The following BNIP1 variants were observed in gnomAD, a reference collection of about 807,000 sequenced individuals.
BNIP1 encodes the protein vesicle transport protein SEC20.
A neutral mutation model predicts 28.5 loss-of-function variants in BNIP1; 25 were observed. The observed-to-expected ratio is 0.88, with a 90% CI of 0.64 to 1.23. BNIP1 has a LOEUF of 1.23. Ranked by LOEUF, BNIP1 falls within the 50% of genes most tolerant of loss-of-function variation. BNIP1 has a pLI of 0.00. For missense variants in BNIP1, 276 were observed against 277.0 expected, an observed-to-expected ratio of 1.00 and a Z score of 0.02; for synonymous variants, 118 against 101.7, an observed-to-expected ratio of 1.16 and a Z score of -0.96.
chr5:173,150,939 G>A (rs955088468), intron 2 of BNIP1, among the ~76,000 whole-genome samples: 2 of 151,884 alleles, frequency 1.3e-5, no homozygotes, highest in Admixed American at 6.6e-5. Context: ...GGGTTCAAGC[G>A]ATTCTCCTGC....
intron 2 of BNIP1, among the ~76,000 whole-genome samples, chr5:173,153,742 A>G (rs1490687635): frequency 6.6e-6 from 1 of 151,816 alleles, no homozygotes; most frequent in South Asian, 2.1e-4. Flanking sequence ...TTTTTATACC[A>G]TTTTCCTGTG....
At position 173,163,829 on chromosome 5, in the gene BNIP1, CTGACGGACAAGCTTCTCATCTT is replaced by C. The variant is rs1760434105; in HGVS notation, c.596_617del (p.Leu199ProfsTer4). On this transcript the variant is annotated frameshift_variant, in exon 6 of 6. Transcript: ENST00000351486. LOFTEE classifies it high-confidence loss of function. ...TATCACAAAATACAATCGCCGGGAG[CTGACGGACAAGCTTCTCATCTT>C]CCTTGCGCTAGCCCTGTTTCTTGCT... 2 of 1,613,936 alleles carry C rather than the reference CTGACGGACAAGCTTCTCATCTT, an allele frequency of 1.2e-6. No individual in the cohort carries two copies. Among genetic ancestry groups the C allele is most frequent in the Non-Finnish European group, 1.7e-6 (2 of 1,179,982 alleles).
intron 5 of BNIP1, 74 bp from the exon 6 acceptor site, chr5:173,163,651 C>G: frequency 2.2e-6 from 3 of 1,391,246 alleles, no homozygotes. Flanking sequence ...TATCAGCACC[C>G]CAGCCAGCAG....
chr5:173,156,248 T>C (rs191161704), intron 3 of BNIP1, among the ~76,000 whole-genome samples: 56 of 152,224 alleles, frequency 3.7e-4, no homozygotes, highest in African/African-American at 1.3e-3. Context: ...TTGTATAAAG[T>C]ATGGTAAGTT....
intron 1 of BNIP1, among the ~76,000 whole-genome samples, chr5:173,145,318 T>G (rs1332280838): frequency 6.6e-6 from 1 of 152,108 alleles, no homozygotes; most frequent in Non-Finnish European, 1.5e-5. Context: ...AATAAACGAG[T>G]GGACTTAGGC....
In BNIP1 at chr5:173,164,105, A is replaced by G. The variant is rs1581085917; in HGVS notation, c.*184A>G. On this transcript the variant is annotated 3_prime_UTR_variant, in exon 6 of 6. Transcript: ENST00000351486. This position sits in a 1 kb window ranked among gnomAD's most constrained non-coding sequence, Gnocchi z 4.0. Reference sequence around the variant, plus strand: ...TGGCTTGTAAAGGGTGAACAGAGCCATGGGAGGAAGGTCTGGCATTGGGAT... The same window carrying G: ...TGGCTTGTAAAGGGTGAACAGAGCCGTGGGAGGAAGGTCTGGCATTGGGAT... 5.5e-6 allele frequency: 3 copies of G among 544,274 alleles called. No individual in the cohort carries two copies. Among genetic ancestry groups the G allele is most frequent in the South Asian group, 4.2e-5 (1 of 23,950 alleles). The allele number at this position is 544,274 out of a possible 1,614,324, so 33.7% of individuals were successfully genotyped here. A position where few individuals can be genotyped will look rare whatever the true frequency, so the allele number is the denominator to read the frequency against.
At chr5:173,144,826 G>A (rs907979869) in intron 1 of BNIP1, 197 bp downstream of exon 1, 2 of 566,982 alleles carry the variant, frequency 3.5e-6, no homozygotes, top group Non-Finnish European at 6.2e-6. Context: ...TTTTCCGGGT[G>A]CCGCCGGATC....
At chr5:173,158,482 C>A (rs1415795182) in intron 3 of BNIP1, among the ~76,000 whole-genome samples, 1 of 152,202 alleles carries the variant, frequency 6.6e-6, no homozygotes, top group Non-Finnish European at 1.5e-5. Flanking sequence ...TGTTCACAGC[C>A]CCTTGGGCTG....
chr5:173,161,362 G>A (rs1760356725), intron 5 of BNIP1: 1 of 152,958 alleles, frequency 6.5e-6, no homozygotes, highest in African/African-American at 2.4e-5. Flanking sequence ...ATCTGGGCTC[G>A]GAACCAGCCA....
At chr5:173,154,918 A>C (rs1411957526) in intron 3 of BNIP1, among the ~76,000 whole-genome samples, 1 of 152,208 alleles carries the variant, frequency 6.6e-6, no homozygotes, top group African/African-American at 2.4e-5. Context: ...CTATCTGAGC[A>C]GGTGGAGCTG....
At chr5:173,148,125 TATATATATATA>T (rs1759916199) in intron 2 of BNIP1, among the ~76,000 whole-genome samples, 1 of 96,128 alleles carries the variant, frequency 1.0e-5, no homozygotes, top group South Asian at 3.5e-4. Flanking sequence ...TATATATATA[TATATATATATA>T]TTTTAATAGA....
chr5:173,154,293 T>C (rs1760115267), intron 2 of BNIP1, 29 bp from the exon 3 acceptor site: 1 of 1,596,992 alleles, frequency 6.3e-7, no homozygotes, highest in African/African-American at 1.3e-5. Context: ...TTTGAAATCA[T>C]TTTAACATGG....
chr5:173,148,133 TATA>T, intron 2 of BNIP1, among the ~76,000 whole-genome samples: 1 of 108,422 alleles, frequency 9.2e-6, no homozygotes, highest in Non-Finnish European at 1.8e-5. Context: ...TATATATATA[TATA>T]TTTTAATAGA....
chr5:173,157,778 C>T (rs1013863449), intron 3 of BNIP1, among the ~76,000 whole-genome samples: 17 of 152,252 alleles, frequency 1.1e-4, no homozygotes, highest in Admixed American at 2.0e-4. Context: ...CACAAGTTAG[C>T]GCAGGTGAAG....
chr5:173,155,167 G>C (rs1050323381), intron 3 of BNIP1, among the ~76,000 whole-genome samples: 2 of 152,058 alleles, frequency 1.3e-5, no homozygotes, highest in Non-Finnish European at 2.9e-5. Flanking sequence ...ACAAAATTGA[G>C]GTCAAAAATT....
At chr5:173,161,021 A>G (rs1342845916) in intron 5 of BNIP1, 2 of 359,392 alleles carry the variant, frequency 5.6e-6, no homozygotes, top group South Asian at 2.1e-5. Flanking sequence ...ACGTGGACAA[A>G]AGGAGAAAGC....
At chr5:173,153,520 C>G (rs1466711718) in intron 2 of BNIP1, among the ~76,000 whole-genome samples, 2 of 152,162 alleles carry the variant, frequency 1.3e-5, no homozygotes, top group Non-Finnish European at 2.9e-5. Context: ...AGCCACTGCG[C>G]CCGGCCGAGA....
At chr5:173,144,994 C>T in intron 1 of BNIP1, 1 of 191,238 alleles carries the variant, frequency 5.2e-6, no homozygotes, top group South Asian at 1.1e-4. Context: ...TCTGACGCTG[C>T]TTCAGCATCC....
chr5:173,159,999 C>T lies in BNIP1; in HGVS notation c.438C>T (p.Ser146=). 1.9e-6 allele frequency: 3 copies of T among 1,614,146 alleles called. No individual in the cohort carries two copies. Among genetic ancestry groups the T allele is most frequent in the Non-Finnish European group, 1.7e-6 (2 of 1,180,010 alleles). ...TCACTGAGAGCCTCATGGGGATCAGCAGGATGATGGCCCAGCAGGTCCAGC... is the reference window on the plus strand; with the variant it reads ...TCACTGAGAGCCTCATGGGGATCAGTAGGATGATGGCCCAGCAGGTCCAGC... ...STITESLMGI[S]RMMAQQVQQS... The change falls in exon 5 of 6, where the codon AGC becomes AGT. Residue 146 remains serine (S), a synonymous_variant. Transcript: ENST00000351486.
Sources: allele counts gnomAD v4.1 joint callset (sites outside exome capture counted in the v4.1 genomes callset), GRCh38; gene constraint gnomAD v4.1.1; non-coding constraint Gnocchi (gnomAD v3.1); transcripts MANE v1.5; gene names NCBI Gene and HGNC (gene_info 2026-07-23, HGNC 2026-07-21).